Variants in STAG1 observed in about 807,000 individuals in gnomAD.
The protein encoded by STAG1 is cohesin subunit SA-1.
Under a neutral mutation model 170.9 loss-of-function variants are expected in STAG1, and 26 were observed. That is an observed-to-expected ratio of 0.15 (90% confidence interval 0.11 to 0.21). The LOEUF (loss-of-function observed/expected upper bound fraction) is 0.21, where lower values mean the gene tolerates loss of function less well. Ranked by LOEUF, STAG1 falls within the 10% of genes least tolerant of loss-of-function variation. The pLI is 1.00. For missense variants in STAG1, 964 were observed against 1,509.5 expected, an observed-to-expected ratio of 0.64 and a Z score of 5.99; for synonymous variants, 514 against 497.7, an observed-to-expected ratio of 1.03 and a Z score of -0.44.
intron 1 of STAG1, among the ~76,000 whole-genome samples, chr3:136,665,644 G>A (rs1028542636): frequency 1.3e-5 from 2 of 151,388 alleles, no homozygotes; most frequent in Non-Finnish European, 2.9e-5. Flanking sequence ...GCCAGGTGTA[G>A]TGGCAGGCGC....
chr3:136,508,292 G>A (rs1933871568), intron 7 of STAG1, among the ~76,000 whole-genome samples: 1 of 152,074 alleles, frequency 6.6e-6, no homozygotes, highest in Non-Finnish European at 1.5e-5. Context: ...TTAAATAAAG[G>A]AGATTACCCT....
At chr3:136,673,136 C>T (rs756747531) in intron 1 of STAG1, among the ~76,000 whole-genome samples, 8 of 152,148 alleles carry the variant, frequency 5.3e-5, no homozygotes, top group Non-Finnish European at 1.2e-4. Context: ...AGAGTTACTT[C>T]AAAGAAATAG....
intron 13 of STAG1, among the ~76,000 whole-genome samples, chr3:136,453,714 C>T (rs910347603): frequency 3.4e-5 from 5 of 148,616 alleles, no homozygotes; most frequent in East Asian, 2.0e-4. Flanking sequence ...AGTGAATAAA[C>T]GGTAGATAAG....
chr3:136,723,060 C>G (rs1177780753), intron 1 of STAG1, among the ~76,000 whole-genome samples: 2 of 152,220 alleles, frequency 1.3e-5, no homozygotes, highest in Non-Finnish European at 2.9e-5. Flanking sequence ...ACCTCCCAGC[C>G]GCCTGCCTTG....
intron 29 of STAG1, among the ~76,000 whole-genome samples, chr3:136,347,649 T>TA (rs1258790456): frequency 2.0e-5 from 3 of 152,134 alleles, no homozygotes; most frequent in Admixed American, 1.3e-4. Flanking sequence ...GCTGCAAGGT[T>TA]AAAAAAAGAA....
chr3:136,723,662 G>C (rs1419264774), intron 1 of STAG1, among the ~76,000 whole-genome samples: 1 of 144,082 alleles, frequency 6.9e-6, no homozygotes, highest in African/African-American at 2.6e-5. Context: ...AGGTGGGGGG[G>C]TCAGCCCCCC....
chr3:136,377,903 A>C (rs530192593), intron 22 of STAG1, 151 bp from the exon 23 acceptor site: 40 of 645,430 alleles, frequency 6.2e-5, no homozygotes, highest in Non-Finnish European at 1.0e-4. Flanking sequence ...TAATGTAGTC[A>C]TTTCTTAGTT....
At chr3:136,398,156 C>T (rs1006128315) in intron 22 of STAG1, among the ~76,000 whole-genome samples, 11 of 151,192 alleles carry the variant, frequency 7.3e-5, no homozygotes, top group Non-Finnish European at 1.3e-4. Context: ...CTCACTCTGT[C>T]GCTCAGGCTG....
chr3:136,718,448 C>T (rs1034793859), intron 1 of STAG1, among the ~76,000 whole-genome samples: 2 of 152,116 alleles, frequency 1.3e-5, no homozygotes, highest in South Asian at 4.1e-4. Context: ...ATCATGCTCA[C>T]CTGGTAGAAA....
At chr3:136,363,606 T>C (rs1455304844) in intron 25 of STAG1, 139 bp from the exon 26 acceptor site, 7 of 448,334 alleles carry the variant, frequency 1.6e-5, no homozygotes, top group Non-Finnish European at 2.7e-5. Context: ...GAAAGGTAAA[T>C]AAAAAAGTGT....
intron 14 of STAG1, among the ~76,000 whole-genome samples, chr3:136,445,675 T>C (rs1433724983): frequency 1.3e-5 from 2 of 152,204 alleles, no homozygotes; most frequent in East Asian, 3.8e-4. Flanking sequence ...TTCTGTAGAA[T>C]AGGTATATGA....
intron 4 of STAG1, 119 bp downstream of exon 4, chr3:136,604,190 C>A (rs1019841630): frequency 7.9e-6 from 7 of 889,542 alleles, no homozygotes; most frequent in East Asian, 2.8e-5. Context: ...TCAGGATAAA[C>A]TGAAAGGTTG....
intron 16 of STAG1, among the ~76,000 whole-genome samples, chr3:136,426,737 A>C (rs112106472): frequency 4.6e-5 from 7 of 152,166 alleles, no homozygotes; most frequent in African/African-American, 1.4e-4. Context: ...TCAGGAGTTC[A>C]AGAGCAGTTT....
At chr3:136,701,400 C>A (rs1165212107) in intron 1 of STAG1, among the ~76,000 whole-genome samples, 1 of 152,052 alleles carries the variant, frequency 6.6e-6, no homozygotes, top group Non-Finnish European at 1.5e-5. Flanking sequence ...CCATTCCCAT[C>A]CTCGTGTGTG....
chr3:136,513,581 A>G (rs1934187457), intron 7 of STAG1, among the ~76,000 whole-genome samples: 1 of 152,144 alleles, frequency 6.6e-6, no homozygotes, highest in African/African-American at 2.4e-5. Flanking sequence ...CAGGATCACA[A>G]CCAGAAGTCT....
Position 136,363,392 on chromosome 3 carries a change from T to G in STAG1, c.2761A>C (p.Lys921Gln). ...TRQIDKIQCA[K>Q]TLILSLQQLF... ...TGTTGCAAACTGAGAATGAGAGTCT[T>G]GGCACACTGAATTTTATCAATCTGC... The change falls in exon 26 of 34, where the codon AAG becomes CAG. Residue 921 changes from lysine (K) to glutamine (Q), a missense_variant. Coordinates refer to ENST00000383202, the MANE Select transcript of STAG1 (RefSeq NM_005862.3). 1 of 1,604,742 alleles carries G rather than the reference T, an allele frequency of 6.2e-7. No individual in the cohort carries two copies. Among genetic ancestry groups the G allele is most frequent in the Non-Finnish European group, 8.5e-7 (1 of 1,173,142 alleles).
chr3:136,409,679 G>T (rs1352652254), intron 21 of STAG1, among the ~76,000 whole-genome samples: 1 of 152,038 alleles, frequency 6.6e-6, no homozygotes, highest in Admixed American at 6.6e-5. Context: ...ATTACACTCA[G>T]TCTGAAGAAT....
At position 136,569,388 on chromosome 3, in the gene STAG1, CTG is replaced by C. The variant is rs986916565; in HGVS notation, c.298-529_298-528del. 6.0e-4 allele frequency among the ~76,000 whole-genome samples: 88 copies of C among 145,606 alleles called. 1 individual carries two copies. The highest frequency in any genetic ancestry group is 2.1e-3 in the African/African-American group (84 of 39,480). ...ATCAAATCAGATCTCAAAAACGTAT[CTG>C]ATAAAATTCTGTAGCCAATCCAAAA... On this transcript the variant is annotated intron_variant, in intron 4 of 33. Transcript: ENST00000383202.
chr3:136,643,256 G>A (rs1334412832), intron 1 of STAG1, among the ~76,000 whole-genome samples: 1 of 152,120 alleles, frequency 6.6e-6, no homozygotes, highest in Non-Finnish European at 1.5e-5. Context: ...CTCTATGCTA[G>A]GCACTATTCT....
Sources: allele counts gnomAD v4.1 joint callset (sites outside exome capture counted in the v4.1 genomes callset), GRCh38; gene constraint gnomAD v4.1.1; transcripts MANE v1.5; gene names NCBI Gene and HGNC (gene_info 2026-07-23, HGNC 2026-07-21).